The following SMYD3 variants were observed in gnomAD, a reference collection of about 807,000 sequenced individuals.
SMYD3 encodes the protein SET and MYND domain containing 3, also known as histone-lysine N-methyltransferase SMYD3.
Under a neutral mutation model 57.7 loss-of-function variants are expected in SMYD3, and 36 were observed. That is an observed-to-expected ratio of 0.62 (90% CI 0.48 to 0.82). The LOEUF is 0.82. SMYD3 is among the 40% of genes least tolerant of loss of function. The pLI is 0.00. For missense variants in SMYD3, 515 were observed against 538.8 expected (o/e 0.96, Z 0.44); for synonymous variants, 211 against 195.0 (o/e 1.08, Z -0.68).
At chr1:246,452,721 C>A (rs2039706) in intron 1 of SMYD3, among the ~76,000 whole-genome samples, 17 of 152,064 alleles carry the variant, frequency 1.1e-4, no homozygotes, top group African/African-American at 3.6e-4. Flanking sequence ...TAAGTAGATG[C>A]CAAATAGACA....
At chr1:245,928,686 T>C (rs2056541638) in intron 6 of SMYD3, among the ~76,000 whole-genome samples, 1 of 151,414 alleles carries the variant, frequency 6.6e-6, no homozygotes, top group African/African-American at 2.4e-5. Flanking sequence ...AAAAAAAAAA[T>C]ACTCAGACAT....
intron 5 of SMYD3, among the ~76,000 whole-genome samples, chr1:246,190,672 A>G (rs528715621): frequency 2.0e-5 from 3 of 151,980 alleles, no homozygotes; most frequent in African/African-American, 4.8e-5. Flanking sequence ...CAATTAGACT[A>G]AATTTTTTAA....
At position 246,129,513 on chromosome 1, in the gene SMYD3, C is replaced by G. The variant is rs113379058; in HGVS notation, c.531+197688G>C. ...GGTGAAACTATCTTTGAGGGACTGA[C>G]CTTTCGACATTCAGCGCCATTTCCT... On this transcript the variant is annotated intron_variant, in intron 5 of 11. Transcript: ENST00000490107. Among the ~76,000 whole-genome samples the G allele has an allele frequency of 6.9e-4, 105 of 152,230 alleles. 2 individuals are homozygous for G. The highest frequency in any genetic ancestry group is 2.5e-3 in the African/African-American group (103 of 41,542).
chr1:245,811,338 T>C (rs1014294786), intron 10 of SMYD3, among the ~76,000 whole-genome samples: 2 of 152,234 alleles, frequency 1.3e-5, no homozygotes, highest in Non-Finnish European at 2.9e-5. Flanking sequence ...GCAGTTCAGG[T>C]ATACAGATGT....
intron 5 of SMYD3, among the ~76,000 whole-genome samples, chr1:246,060,308 GT>G (rs35682342): frequency 0.072 from 10,555 of 146,226 alleles, 422 homozygotes; most frequent in African/African-American, 0.096. Flanking sequence ...TAAAGGTTGC[GT>G]TTTTTTTTTT....
At chr1:245,781,809 A>G (rs940134728) in intron 10 of SMYD3, among the ~76,000 whole-genome samples, 1 of 152,046 alleles carries the variant, frequency 6.6e-6, no homozygotes, top group African/African-American at 2.4e-5. Flanking sequence ...GTCTCCACTA[A>G]AAGTCCAAAT....
intron 5 of SMYD3, among the ~76,000 whole-genome samples, chr1:246,155,226 T>TA (rs2062004785): frequency 6.6e-6 from 1 of 152,218 alleles, no homozygotes; most frequent in African/African-American, 2.4e-5. Flanking sequence ...GTAATACTAT[T>TA]ACTAATAATT....
intron 10 of SMYD3, among the ~76,000 whole-genome samples, chr1:245,822,777 C>G (rs951652800): frequency 1.3e-5 from 2 of 152,160 alleles, no homozygotes; most frequent in African/African-American, 4.8e-5. Context: ...GTACTTGGCT[C>G]TCCATAGTTC....
intron 5 of SMYD3, chr1:246,326,123 T>C (rs1001848968): frequency 5.5e-6 from 2 of 362,248 alleles, no homozygotes; most frequent in Non-Finnish European, 9.8e-6. Context: ...ACCAATTACA[T>C]TTAATTTTTC....
intron 7 of SMYD3, among the ~76,000 whole-genome samples, chr1:245,921,761 A>G (rs1388649416): frequency 6.6e-6 from 1 of 152,092 alleles, no homozygotes; most frequent in Admixed American, 6.5e-5. Context: ...CAAACACCCA[A>G]TGTTCTCACT....
intron 5 of SMYD3, among the ~76,000 whole-genome samples, chr1:246,160,692 G>C (rs574419412): frequency 6.6e-6 from 1 of 152,318 alleles, no homozygotes; most frequent in Non-Finnish European, 1.5e-5. Context: ...CGTCTCTCAT[G>C]ATTTCCACAT....
At chr1:245,824,438 C>T (rs1278376043) in intron 10 of SMYD3, among the ~76,000 whole-genome samples, 2 of 152,194 alleles carry the variant, frequency 1.3e-5, no homozygotes, top group Non-Finnish European at 2.9e-5. Flanking sequence ...AAACTCAGGC[C>T]GGGCGCAGTG....
At chr1:246,268,430 T>A (rs1289960676) in intron 5 of SMYD3, among the ~76,000 whole-genome samples, 1 of 152,140 alleles carries the variant, frequency 6.6e-6, no homozygotes, top group Admixed American at 6.5e-5. Context: ...CCAGGCGCAG[T>A]GGCTCACGCC....
At chr1:246,243,247 T>G (rs1236168989) in intron 5 of SMYD3, among the ~76,000 whole-genome samples, 1 of 151,932 alleles carries the variant, frequency 6.6e-6, no homozygotes, top group Non-Finnish European at 1.5e-5. Context: ...ATGCTGCATA[T>G]GAGAAATGTG....
At chr1:246,456,839 A>C (rs2067706478) in intron 1 of SMYD3, among the ~76,000 whole-genome samples, 2 of 152,246 alleles carry the variant, frequency 1.3e-5, no homozygotes, top group African/African-American at 4.8e-5. Context: ...GGCAGACACA[A>C]GATCAAAGTT....
At chr1:246,048,367 T>C (rs1358926927) in intron 5 of SMYD3, among the ~76,000 whole-genome samples, 1 of 152,046 alleles carries the variant, frequency 6.6e-6, no homozygotes, top group East Asian at 1.9e-4. Flanking sequence ...GAAAAGAAAA[T>C]TCTACTTTGA....
chr1:246,217,275 G>T (rs565630512), intron 5 of SMYD3, among the ~76,000 whole-genome samples: 1 of 152,032 alleles, frequency 6.6e-6, no homozygotes, highest in Non-Finnish European at 1.5e-5. Context: ...AGGCCTCAAA[G>T]AATTTCTAAA....
intron 5 of SMYD3, among the ~76,000 whole-genome samples, chr1:246,103,236 T>C (rs2061051234): frequency 6.6e-6 from 1 of 152,186 alleles, no homozygotes; most frequent in African/African-American, 2.4e-5. Context: ...CCCCATCACA[T>C]TCCCCAAGAC....
intron 10 of SMYD3, among the ~76,000 whole-genome samples, chr1:245,830,341 A>G (rs1480288214): frequency 6.6e-6 from 1 of 152,342 alleles, no homozygotes; most frequent in East Asian, 1.9e-4. Context: ...ACATGGCGGC[A>G]GGCAAGGGAG....
Sources: allele counts gnomAD v4.1 joint callset (sites outside exome capture counted in the v4.1 genomes callset), GRCh38; gene constraint gnomAD v4.1.1; transcripts MANE v1.5; gene names NCBI Gene and HGNC (gene_info 2026-07-23, HGNC 2026-07-21).